NFATC3: variants seen among roughly 807,000 people sequenced by gnomAD.
NFATC3 encodes nuclear factor of activated T cells 3, also known as nuclear factor of activated T-cells, cytoplasmic 3.
In NFATC3, 46 loss-of-function variants were observed where a neutral mutation model predicts 98.6. The ratio of observed to expected loss-of-function variants is 0.47; its 90% CI spans 0.37 to 0.60. The LOEUF is 0.60. NFATC3 is among the 20% of genes least tolerant of loss of function. The probability of loss-of-function intolerance (pLI) is 0.00; values close to 1 mark genes in which losing one functional copy is unlikely to be tolerated. For synonymous variants in NFATC3, 512 were observed against 472.2 expected, an observed-to-expected ratio of 1.08 and a Z score of -1.09; for missense variants, 1,256 against 1,295.5, an observed-to-expected ratio of 0.97 and a Z score of 0.47.
At chr16:68,124,519 G>A (rs2036732616) in intron 2 of NFATC3, among the ~76,000 whole-genome samples, 2 of 150,068 alleles carry the variant, frequency 1.3e-5, no homozygotes, top group South Asian at 2.1e-4. Flanking sequence ...TGCAAGCTCC[G>A]CCTCCTGGGT....
intron 1 of NFATC3, among the ~76,000 whole-genome samples, chr16:68,116,140 G>A (rs1015903314): frequency 2.0e-5 from 3 of 152,014 alleles, no homozygotes; most frequent in Non-Finnish European, 4.4e-5. Flanking sequence ...TCAGTAAAAC[G>A]TTATTTATGG....
intron 4 of NFATC3, among the ~76,000 whole-genome samples, chr16:68,159,820 A>G (rs897435509): frequency 6.6e-5 from 10 of 151,700 alleles, no homozygotes; most frequent in African/African-American, 1.2e-4. Context: ...GCTCACACCT[A>G]TTATCCCAGC....
At chr16:68,117,669 T>G (rs754334578) in intron 1 of NFATC3, among the ~76,000 whole-genome samples, 3 of 152,168 alleles carry the variant, frequency 2.0e-5, no homozygotes, top group Non-Finnish European at 2.9e-5. Flanking sequence ...TGTGCCACCA[T>G]GCCTGGCTAC....
At chr16:68,225,664 T>C (rs572075353) in intron 9 of NFATC3, 7 of 152,334 alleles carry the variant, frequency 4.6e-5, no homozygotes, top group African/African-American at 1.4e-4. Flanking sequence ...TAAATATGCC[T>C]AGGAGTGGAA....
intron 9 of NFATC3, chr16:68,225,994 C>A (rs867347142): frequency 1.2e-5 from 2 of 162,960 alleles, no homozygotes; most frequent in Non-Finnish European, 2.6e-5. Flanking sequence ...CATTTATTTT[C>A]ATTCCATTTA....
intron 9 of NFATC3, among the ~76,000 whole-genome samples, chr16:68,216,946 G>A (rs1159321613): frequency 1.3e-5 from 2 of 152,120 alleles, no homozygotes; most frequent in Non-Finnish European, 1.5e-5. Context: ...TAGAGCTAAT[G>A]TTAAAAGTGA....
At chr16:68,136,184 G>T (rs1428300930) in intron 3 of NFATC3, among the ~76,000 whole-genome samples, 1 of 152,176 alleles carries the variant, frequency 6.6e-6, no homozygotes, top group Non-Finnish European at 1.5e-5. Flanking sequence ...GTGGCATTTT[G>T]TAGGTTCGTG....
At chr16:68,212,119 A>C (rs1055554670) in intron 9 of NFATC3, among the ~76,000 whole-genome samples, 2 of 152,222 alleles carry the variant, frequency 1.3e-5, no homozygotes. Flanking sequence ...GGAGATTGGG[A>C]ACCCCCAGAA....
intron 9 of NFATC3, among the ~76,000 whole-genome samples, chr16:68,205,195 T>C (rs1309679282): frequency 6.6e-6 from 1 of 152,130 alleles, no homozygotes; most frequent in Non-Finnish European, 1.5e-5. Context: ...TTTAAAAACA[T>C]CTATAGATGA....
intron 1 of NFATC3, among the ~76,000 whole-genome samples, chr16:68,097,316 G>A (rs1290691649): frequency 6.6e-6 from 1 of 152,204 alleles, no homozygotes; most frequent in Non-Finnish European, 1.5e-5. Flanking sequence ...TGTAACTAGT[G>A]TCATGAAAAT....
Position 68,191,087 on chromosome 16 carries a change from A to G in NFATC3, c.2418A>G (p.Gln806=), listed in dbSNP as rs774781118. 1.2e-6 allele frequency: 2 copies of G among 1,614,222 alleles called. No homozygotes were observed. The highest frequency in any genetic ancestry group is 3.3e-5 in the Admixed American group (2 of 60,032). The stretch of plus-strand genomic sequence containing the variant: ...TGGGGTCTTCCTATCAGCCTATGCA[A>G]ACTAATGTTGTGTACAATGGACCAA... ...PPVGSSYQPM[Q]TNVVYNGPTC... Residue 806 remains glutamine (Q), a synonymous_variant, in exon 9 of 10, where the codon CAA becomes CAG. Coordinates refer to ENST00000346183, the MANE Select transcript of NFATC3 (RefSeq NM_173165.3).
At position 68,226,605 on chromosome 16, in the gene NFATC3, T is replaced by C. The variant is rs2042042440; in HGVS notation, c.*134T>C. ...CCCACCATTTGTGGGGAAAGTAGCA[T>C]TCCTCCACCTCAGGCCTTGGGTAGA... On this transcript the variant is annotated 3_prime_UTR_variant, in exon 10 of 10. Coordinates refer to ENST00000346183, the MANE Select transcript of NFATC3 (RefSeq NM_173165.3). 3 of 1,027,038 alleles carry C rather than the reference T, an allele frequency of 2.9e-6. 1 individual carries two copies. The highest frequency in any genetic ancestry group is 4.7e-5 in the South Asian group (2 of 42,396). 63.6% of individuals were successfully genotyped at this position (1,027,038 alleles called of 1,614,324 possible). A position where few individuals can be genotyped will look rare whatever the true frequency, so the allele number is the denominator to read the frequency against.
At chr16:68,115,156 C>T (rs1009340252) in intron 1 of NFATC3, among the ~76,000 whole-genome samples, 27 of 151,996 alleles carry the variant, frequency 1.8e-4, no homozygotes, top group Admixed American at 3.3e-4. Flanking sequence ...CTCCGCCTCC[C>T]GGCTTCAAGT....
intron 8 of NFATC3, among the ~76,000 whole-genome samples, chr16:68,183,659 G>A (rs887891220): frequency 7.2e-5 from 11 of 152,124 alleles, no homozygotes; most frequent in Non-Finnish European, 2.9e-5. Context: ...GTGTTCGTGA[G>A]TATGTGTGTG....
chr16:68,226,248 A>C, intron 9 of NFATC3, 102 bp from the exon 10 acceptor site: 1 of 1,380,388 alleles, frequency 7.2e-7, no homozygotes, highest in Non-Finnish European at 9.7e-7. Context: ...TCTTTACAGA[A>C]AGCCATGGGA....
intron 1 of NFATC3, among the ~76,000 whole-genome samples, chr16:68,111,839 A>T (rs2035961503): frequency 6.6e-6 from 1 of 152,070 alleles, no homozygotes; most frequent in Admixed American, 6.6e-5. Flanking sequence ...TTCCCTCATT[A>T]TTTGCTTGTC....
chr16:68,137,949 G>A (rs2037527905), intron 3 of NFATC3, among the ~76,000 whole-genome samples: 2 of 150,802 alleles, frequency 1.3e-5, no homozygotes, highest in East Asian at 2.0e-4. Context: ...ACACTTTCAC[G>A]TTATCTCATT....
intron 3 of NFATC3, among the ~76,000 whole-genome samples, chr16:68,136,029 C>A (rs1035656778): frequency 2.6e-5 from 4 of 151,868 alleles, no homozygotes; most frequent in African/African-American, 9.7e-5. Context: ...CGTCATTGCA[C>A]TCCAGCCTGG....
At chr16:68,093,819 C>T (rs749268911) in intron 1 of NFATC3, among the ~76,000 whole-genome samples, 1 of 152,134 alleles carries the variant, frequency 6.6e-6, no homozygotes. Flanking sequence ...CTATGCCTGC[C>T]TCTTGCCTTG....
Sources: gnomAD v4.1 joint callset for allele counts (sites outside exome capture counted in the v4.1 genomes callset) on GRCh38, gnomAD v4.1.1 for gene constraint, MANE v1.5 for transcripts, NCBI Gene and HGNC (gene_info 2026-07-23, HGNC 2026-07-21) for gene names.